The following MYO7B variants were observed in gnomAD, a reference collection of about 807,000 sequenced individuals.
MYO7B encodes the protein myosin VIIB.
A neutral mutation model predicts 259.7 loss-of-function variants in MYO7B; 212 were observed. That is an observed-to-expected ratio of 0.82 (90% CI 0.73 to 0.91). MYO7B has a LOEUF of 0.91. MYO7B is among the 40% of genes least tolerant of loss of function. The pLI, the probability that MYO7B is intolerant of heterozygous loss-of-function variation, is 0.00. For missense variants in MYO7B, 2,732 were observed against 2,813.5 expected (o/e 0.97, Z 0.66); for synonymous variants, 1,197 against 1,166.4 (o/e 1.03, Z -0.54).
At position 127,565,127 on chromosome 2, in the gene MYO7B, G is replaced by A. The variant is rs1678274914; in HGVS notation, c.133-106G>A. On this transcript the variant is annotated intron_variant, in intron 3 of 47. Transcript: ENST00000409816. The stretch of plus-strand genomic sequence containing the variant: ...CACTGCCCCAGGTCAGCTGATCCAT[G>A]ACCCGGAAGGTCACCTTGCTGCTGA... 4 of 1,418,704 alleles carry A rather than the reference G, an allele frequency of 2.8e-6. No homozygotes were observed. The Admixed American group carries it at 6.3e-5, about 22-fold the overall frequency. 87.9% of individuals were successfully genotyped at this position (1,418,704 alleles called of 1,614,324 possible). A position where few individuals can be genotyped will look rare whatever the true frequency, so the allele number is the denominator to read the frequency against.
At position 127,546,243 on chromosome 2, in the gene MYO7B, T is replaced by G. The variant is rs191039646; in HGVS notation, c.-24+10412T>G. 2.6e-5 allele frequency among the ~76,000 whole-genome samples: 4 copies of G among 152,356 alleles called. No homozygotes were observed. In the East Asian group the frequency reaches 7.7e-4, roughly 29 times the overall value. ...GAGTCTCAATGTTAGCTTTGCTTCT[T>G]GGACCCCTGGTTCCTGATCTGTGAA... On this transcript the variant is annotated intron_variant, in intron 1 of 47. Coordinates refer to ENST00000409816, the MANE Select transcript of MYO7B (RefSeq NM_001393586.1). The surrounding 1 kb of genome is among the most constrained non-coding windows in gnomAD (Gnocchi z 4.2).
rs1681270010 is a variant in MYO7B at position 127,628,405 on chromosome 2, C to T, written c.4494C>T (p.Ser1498=). 4 of 1,601,188 alleles carry T rather than the reference C, an allele frequency of 2.5e-6. No individual in the cohort carries two copies. Among genetic ancestry groups the T allele is most frequent in the Non-Finnish European group, 3.4e-6 (4 of 1,175,866 alleles). ...AGGGCGGGCAGAGGCTGCTGCTCTC[C>T]ACGATGCATGAGGAGTACGAGTTTG... ...EAQGGQRLLL[S]TMHEEYEFVS... Residue 1498 remains serine (S), a synonymous_variant, in exon 34 of 48, where the codon TCC becomes TCT. Transcript: ENST00000409816. The surrounding 1 kb of genome is among the most constrained non-coding windows in gnomAD (Gnocchi z 4.8).
chr2:127,588,789 G>A (rs1558819331), intron 15 of MYO7B, among the ~76,000 whole-genome samples: 1 of 144,162 alleles, frequency 6.9e-6, no homozygotes, highest in Non-Finnish European at 1.5e-5. Flanking sequence ...GGTGGTGGGT[G>A]GGTGGATGGA....
At chr2:127,632,173 C>T in intron 38 of MYO7B, 73 bp from the exon 39 acceptor site, 1 of 1,518,762 alleles carries the variant, frequency 6.6e-7, no homozygotes, top group Non-Finnish European at 8.9e-7. Context: ...ACATCCGTCC[C>T]TGCTCCCCAA....
chr2:127,626,642 A>G (rs982269984), intron 31 of MYO7B: 30 of 208,078 alleles, frequency 1.4e-4, no homozygotes, highest in Non-Finnish European at 2.9e-4. Context: ...AGCCAGGCGC[A>G]GTGGCACGCG....
intron 19 of MYO7B, among the ~76,000 whole-genome samples, chr2:127,600,775 T>C (rs1258369232): frequency 6.6e-6 from 1 of 152,236 alleles, no homozygotes; most frequent in African/African-American, 2.4e-5. Context: ...GGCTTTAGTT[T>C]CATTACTTCT....
At chr2:127,543,762 T>A (rs75775572) in intron 1 of MYO7B, among the ~76,000 whole-genome samples, 1 of 151,826 alleles carries the variant, frequency 6.6e-6, no homozygotes, top group Non-Finnish European at 1.5e-5. Flanking sequence ...ATTTTTTTTT[T>A]GAGACCGAGT....
rs1247378391 is a variant in MYO7B at position 127,628,430 on chromosome 2, G to A, written c.4519G>A (p.Val1507Met). 4.4e-6 allele frequency: 7 copies of A among 1,596,248 alleles called. No homozygotes were observed. The South Asian group carries it at 4.6e-5, about 10-fold the overall frequency. ...CACGATGCATGAGGAGTACGAGTTT[G>A]TGTCACCCAGCAGTGTGGCCATCGC... ...LSTMHEEYEF[V>M]SPSSVAIAEL... The change falls in exon 34 of 48, where the codon GTG becomes ATG. Residue 1507 changes from valine to methionine, a missense_variant. By Grantham distance (21) the Val-to-Met change is conservative. Around this residue, in one of 3 missense-constraint regions of MYO7B, gnomAD observed 1,906 missense variants for 2,026.4 expected, o/e 0.94. Transcript: ENST00000409816. This position sits in a 1 kb window ranked among gnomAD's most constrained non-coding sequence, Gnocchi z 4.8.
chr2:127,606,742 G>A (rs575734717), intron 20 of MYO7B, among the ~76,000 whole-genome samples: 7 of 152,220 alleles, frequency 4.6e-5, no homozygotes, highest in Non-Finnish European at 5.9e-5. Context: ...CGGCACTGAC[G>A]TGGTGTTCAT....
In MYO7B at chr2:127,636,007, C is replaced by T; in HGVS notation, c.6006+100C>T. 1 of 1,412,142 alleles carries T rather than the reference C, an allele frequency of 7.1e-7. No individual in the cohort carries two copies. The highest frequency in any genetic ancestry group is 2.5e-5 in the East Asian group (1 of 40,110). 87.5% of individuals were successfully genotyped at this position (1,412,142 alleles called of 1,614,324 possible). A position where few individuals can be genotyped will look rare whatever the true frequency, so the allele number is the denominator to read the frequency against. ...CCTGGGCTCCAAGATCACATGGGTG[C>T]ACATGGGTGGTGTGGAGGGTGGGCT... On this transcript the variant is annotated intron_variant, in intron 44 of 47. Coordinates refer to ENST00000409816, the MANE Select transcript of MYO7B (RefSeq NM_001393586.1). This position sits in a 1 kb window ranked among gnomAD's most constrained non-coding sequence, Gnocchi z 4.5.
chr2:127,634,312 AGACGGTGGGCG>A, intron 41 of MYO7B, 23 bp downstream of exon 41: 1 of 1,523,696 alleles, frequency 6.6e-7, no homozygotes, highest in Non-Finnish European at 8.9e-7. Context: ...GGGGCTGGGC[AGACGGTGGGCG>A]GACGGGCAGT....
Position 127,576,738 on chromosome 2 carries a change from G to C in MYO7B, c.849+30G>C. ...GCTGCCCACCTGCCGCCTCCCAGTA[G>C]CCAGTGGAAGGGAGGAAAAAGAGCT... On this transcript the variant is annotated intron_variant, in intron 8 of 47. Coordinates refer to ENST00000409816, the MANE Select transcript of MYO7B (RefSeq NM_001393586.1). The surrounding 1 kb of genome is among the most constrained non-coding windows in gnomAD (Gnocchi z 4.9). 1 of 1,460,178 alleles carries C rather than the reference G, an allele frequency of 6.8e-7. No individual in the cohort carries two copies. The highest frequency in any genetic ancestry group is 9.5e-7 in the Non-Finnish European group (1 of 1,047,498). The allele number at this position is 1,460,178 out of a possible 1,614,324, so 90.5% of individuals were successfully genotyped here. A position where few individuals can be genotyped will look rare whatever the true frequency, so the allele number is the denominator to read the frequency against.
At chr2:127,635,937 G>T in intron 44 of MYO7B, 30 bp downstream of exon 44, 1 of 1,549,782 alleles carries the variant, frequency 6.5e-7, no homozygotes, top group Non-Finnish European at 8.7e-7. Flanking sequence ...AAGGGTTCTT[G>T]TGCTGCTGCT....
At chr2:127,589,305 AGATG>A (rs1679450580) in intron 15 of MYO7B, among the ~76,000 whole-genome samples, 1 of 75,944 alleles carries the variant, frequency 1.3e-5, no homozygotes, top group South Asian at 5.1e-4. Context: ...GTGGATGGAT[AGATG>A]GATGGGTGGG....
At chr2:127,566,395 C>T (rs2104873014) in intron 4 of MYO7B, among the ~76,000 whole-genome samples, 1 of 152,350 alleles carries the variant, frequency 6.6e-6, no homozygotes, top group Non-Finnish European at 1.5e-5. Context: ...AAACAGTTAA[C>T]ATTTGATCTT....
Position 127,615,516 on chromosome 2 carries a change from G to C in MYO7B, c.3398+2913G>C, listed in dbSNP as rs1409834809. On this transcript the variant is annotated intron_variant, in intron 26 of 47. Coordinates refer to ENST00000409816, the MANE Select transcript of MYO7B (RefSeq NM_001393586.1). The surrounding 1 kb of genome is among the most constrained non-coding windows in gnomAD (Gnocchi z 4.4). Reference sequence around the variant, plus strand: ...TTTATTGGGTAGAATGAGCAGGGAGGAGGAGGTAACGATTGGTCAGCTGCT... The same window carrying C: ...TTTATTGGGTAGAATGAGCAGGGAGCAGGAGGTAACGATTGGTCAGCTGCT... Among the ~76,000 whole-genome samples the C allele has an allele frequency of 6.6e-6, 1 of 152,116 alleles. No individual in the cohort carries two copies. Among genetic ancestry groups the C allele is most frequent in the Non-Finnish European group, 1.5e-5 (1 of 68,030 alleles).
chr2:127,616,750 G>C (rs1330597522), intron 26 of MYO7B, among the ~76,000 whole-genome samples: 1 of 152,230 alleles, frequency 6.6e-6, no homozygotes, highest in Admixed American at 6.5e-5. Context: ...CTGAAGCAGA[G>C]CTGTGGCCTG....
rs1405651664 is a variant in MYO7B, at chr2:127,633,310, C to T, written c.5458C>T (p.Gln1820Ter). 2 of 1,612,778 alleles carry T rather than the reference C, an allele frequency of 1.2e-6. No homozygotes were observed. Among genetic ancestry groups the T allele is most frequent in the Non-Finnish European group, 1.7e-6 (2 of 1,179,760 alleles). ...CCAGGTGGAGGTGGAGGCCGCAGAG[C>T]AGAACGTCTCCCGCATCTGCCACAA... Reference protein sequence around the residue: ...PHQVEVEAAEQNVSRICHKIY... With the variant: ...PHQVEVEAAE The change falls in exon 40 of 48, where the codon CAG becomes TAG. Residue 1820 changes from glutamine to a stop codon, truncating the protein, a stop_gained. Coordinates refer to ENST00000409816, the MANE Select transcript of MYO7B (RefSeq NM_001393586.1). LOFTEE classifies it high-confidence loss of function.
chr2:127,629,604 C>G (rs1681350339), intron 34 of MYO7B, 41 bp from the exon 35 acceptor site: 2 of 1,578,516 alleles, frequency 1.3e-6, no homozygotes, highest in Non-Finnish European at 1.7e-6. Flanking sequence ...AGCCTCTGGC[C>G]CCTGCAGAGC....
Sources: allele counts gnomAD v4.1 joint callset (sites outside exome capture counted in the v4.1 genomes callset), GRCh38; gene constraint gnomAD v4.1.1; regional missense constraint gnomAD v4.1.1; non-coding constraint Gnocchi (gnomAD v3.1); transcripts MANE v1.5; gene names NCBI Gene and HGNC (gene_info 2026-07-23, HGNC 2026-07-21).